EBF1: variants seen among roughly 807,000 people sequenced by gnomAD.
The protein encoded by EBF1 is transcription factor COE1.
Under a neutral mutation model 68.4 loss-of-function variants are expected in EBF1, and 10 were observed. The ratio of observed to expected loss-of-function variants is 0.15; its 90% confidence interval spans 0.09 to 0.25. The LOEUF (loss-of-function observed/expected upper bound fraction) is 0.25. Ranked by LOEUF, EBF1 falls within the 10% of genes least tolerant of loss-of-function variation. The pLI is 1.00. For synonymous variants in EBF1, 298 were observed against 299.8 expected, an observed-to-expected ratio of 0.99 and a Z score of 0.06; for missense variants, 509 against 794.4, an observed-to-expected ratio of 0.64 and a Z score of 4.32.
intron 5 of EBF1, among the ~76,000 whole-genome samples, chr5:159,081,685 T>C (rs1779765195): frequency 6.6e-6 from 1 of 152,200 alleles, no homozygotes; most frequent in Non-Finnish European, 1.5e-5. Flanking sequence ...AACCATACAC[T>C]GATGAGGGAA....
chr5:158,795,014 T>C (rs968933230), intron 9 of EBF1, among the ~76,000 whole-genome samples: 3 of 152,182 alleles, frequency 2.0e-5, no homozygotes, highest in African/African-American at 7.2e-5. Context: ...TACCCCTTGT[T>C]TGCTGAGTAG....
In EBF1 at chr5:158,951,153, T is replaced by A. The variant is rs184294480; in HGVS notation, c.555-111043A>T. On this transcript the variant is annotated intron_variant, in intron 6 of 15. Coordinates refer to ENST00000313708, the MANE Select transcript of EBF1 (RefSeq NM_024007.5). ...ACTAAATCATACATTACTTTTGCAT[T>A]ATTTCACTTTTCACTTTGCAAGCTG... 3.3e-5 allele frequency among the ~76,000 whole-genome samples: 5 copies of A among 152,364 alleles called. No individual in the cohort carries two copies. The East Asian group carries it at 9.6e-4, about 29-fold the overall frequency.
intron 4 of EBF1, among the ~76,000 whole-genome samples, chr5:159,085,085 C>T (rs985981533): frequency 2.6e-5 from 4 of 152,098 alleles, no homozygotes; most frequent in Non-Finnish European, 5.9e-5. Flanking sequence ...TACTATTTAG[C>T]GAAAATACAG....
At chr5:159,013,187 G>A (rs1386750386) in intron 6 of EBF1, among the ~76,000 whole-genome samples, 1 of 152,158 alleles carries the variant, frequency 6.6e-6, no homozygotes, top group East Asian at 1.9e-4. Flanking sequence ...AGTTACCAGA[G>A]GATGATCCAT....
rs73297920 is a variant in EBF1, at chr5:158,781,703, T to C, written c.910-4164A>G. Among the ~76,000 whole-genome samples the C allele has an allele frequency of 9.0e-3, 1,370 of 152,304 alleles. 18 individuals are homozygous for C. Among genetic ancestry groups the C allele is most frequent in the African/African-American group, 0.031 (1,304 of 41,566 alleles). Reference sequence around the variant, plus strand: ...TTCTTCCTTTATTTTTCTTCAGTCATATTGATTCTGCCCCAAACTGGGCCC... The same window carrying C: ...TTCTTCCTTTATTTTTCTTCAGTCACATTGATTCTGCCCCAAACTGGGCCC... On this transcript the variant is annotated intron_variant, in intron 9 of 15. Transcript: ENST00000313708.
intron 9 of EBF1, among the ~76,000 whole-genome samples, chr5:158,780,248 C>A (rs1338270805): frequency 1.3e-5 from 2 of 152,064 alleles, no homozygotes; most frequent in Non-Finnish European, 2.9e-5. Context: ...TCTGGTGGCT[C>A]CGAAAATTGA....
At position 158,743,055 on chromosome 5, in the gene EBF1, C is replaced by G. The variant is rs188446527; in HGVS notation, c.1037-11898G>C. ...AATGATTGATTCCATTTGAAAAACT[C>G]TTCTAGGCACTGTGCCATACCCTTG... On this transcript the variant is annotated intron_variant, in intron 10 of 15. Transcript: ENST00000313708. Among the ~76,000 whole-genome samples the G allele has an allele frequency of 4.5e-3, 681 of 152,326 alleles. 3 individuals carry two copies. Among genetic ancestry groups the G allele is most frequent in the African/African-American group, 0.015 (644 of 41,580 alleles).
In EBF1 at chr5:158,983,897, A is replaced by AGAGTGT. The variant is rs781346130; in HGVS notation, c.554+89498_554+89499insACACTC. The AGAGTGT allele has an allele frequency of 2.1e-5, 3 of 139,972 alleles. No individual in the cohort carries two copies. In the Admixed American group the frequency reaches 2.2e-4, roughly 10 times the overall value. The allele number at this position is 139,972 out of a possible 1,614,324, so 8.7% of individuals were successfully genotyped here. A position where few individuals can be genotyped will look rare whatever the true frequency, so the allele number is the denominator to read the frequency against. ...CAGATTCTCATCCTGCAACTGTAAG[A>AGAGTGT]GTGTGTGTGTGTGTGTGTGTGTGTG... On this transcript the variant is annotated intron_variant, in intron 6 of 15. Transcript: ENST00000313708.
intron 4 of EBF1, among the ~76,000 whole-genome samples, chr5:159,087,289 T>C (rs56154370): frequency 0.29 from 41,106 of 140,884 alleles, 6,203 homozygotes; most frequent in Middle Eastern, 0.32. Context: ...TATATATATA[T>C]ACACATATAT....
intron 10 of EBF1, among the ~76,000 whole-genome samples, chr5:158,773,125 C>T (rs768983748): frequency 6.0e-5 from 9 of 151,090 alleles, no homozygotes; most frequent in South Asian, 2.1e-4. Context: ...GAGAGGAAGG[C>T]GAAAGGGAGA....
At chr5:158,744,217 A>G (rs1479985834) in intron 10 of EBF1, among the ~76,000 whole-genome samples, 7 of 152,020 alleles carry the variant, frequency 4.6e-5, no homozygotes. Flanking sequence ...GAACACCAAT[A>G]TATAGGTAAT....
At chr5:158,829,165 A>T (rs1786893161) in intron 7 of EBF1, among the ~76,000 whole-genome samples, 1 of 152,108 alleles carries the variant, frequency 6.6e-6, no homozygotes, top group Non-Finnish European at 1.5e-5. Flanking sequence ...AGTGAACTCT[A>T]GTGTAAACTT....
chr5:158,928,350 A>G (rs958255550), intron 6 of EBF1, among the ~76,000 whole-genome samples: 1 of 152,214 alleles, frequency 6.6e-6, no homozygotes, highest in African/African-American at 2.4e-5. Context: ...TTTCAGAAAT[A>G]TATTATCAAA....
chr5:158,716,530 C>T (rs781625462), intron 11 of EBF1, among the ~76,000 whole-genome samples: 1 of 152,166 alleles, frequency 6.6e-6, no homozygotes, highest in Admixed American at 6.5e-5. Context: ...TAATATCTTA[C>T]CCATTAAAAA....
At chr5:158,890,554 T>C (rs1800968964) in intron 6 of EBF1, among the ~76,000 whole-genome samples, 2 of 152,240 alleles carry the variant, frequency 1.3e-5, no homozygotes, top group Admixed American at 1.3e-4. Flanking sequence ...TTCTTTCTCA[T>C]TGTTACAAAT....
intron 6 of EBF1, among the ~76,000 whole-genome samples, chr5:158,897,038 G>T (rs115155561): frequency 0.022 from 3,410 of 152,192 alleles, 136 homozygotes; most frequent in African/African-American, 0.077. Context: ...TTTGTTAAGG[G>T]TCTATTAGAC....
At chr5:158,772,860 G>T (rs957133506) in intron 10 of EBF1, among the ~76,000 whole-genome samples, 1 of 152,128 alleles carries the variant, frequency 6.6e-6, no homozygotes, top group East Asian at 1.9e-4. Context: ...ACAGTTCCAT[G>T]ATTCTAAAAC....
chr5:159,001,919 G>C (rs377712868), intron 6 of EBF1, among the ~76,000 whole-genome samples: 2 of 152,012 alleles, frequency 1.3e-5, no homozygotes, highest in East Asian at 3.9e-4. Context: ...ATTATCACCC[G>C]TGTGTGTGTG....
intron 6 of EBF1, among the ~76,000 whole-genome samples, chr5:159,018,398 T>C (rs953060257): frequency 6.6e-6 from 1 of 152,238 alleles, no homozygotes; most frequent in Non-Finnish European, 1.5e-5. Flanking sequence ...GCAGTATGCA[T>C]GCGTTTGCAA....
Sources: gnomAD v4.1 joint callset for allele counts (sites outside exome capture counted in the v4.1 genomes callset) on GRCh38, gnomAD v4.1.1 for gene constraint, MANE v1.5 for transcripts, NCBI Gene and HGNC (gene_info 2026-07-23, HGNC 2026-07-21) for gene names.